MROH9: variants seen among roughly 807,000 people sequenced by gnomAD.
MROH9 encodes the protein maestro heat-like repeat-containing protein family member 9.
In MROH9, 92 loss-of-function variants were observed where a neutral mutation model predicts 98.2. That is an observed-to-expected ratio of 0.94 (90% CI 0.79 to 1.11). The LOEUF (loss-of-function observed/expected upper bound fraction) is 1.11, where lower values mean the gene tolerates loss of function less well. Among genes scored for constraint, MROH9 ranks in the 50% most tolerant of loss-of-function variants. The pLI, the probability that MROH9 is intolerant of heterozygous loss-of-function variation, is 0.00. For missense variants in MROH9, 1,057 were observed against 1,014.8 expected (o/e 1.04, Z -0.57); for synonymous variants, 397 against 368.9 (o/e 1.08, Z -0.87).
chr1:170,962,185 C>A (rs17621423), intron 6 of MROH9, among the ~76,000 whole-genome samples: 1 of 152,000 alleles, frequency 6.6e-6, no homozygotes, highest in South Asian at 2.1e-4. Flanking sequence ...GGAAGGACAG[C>A]ATCAACAGGT....
At chr1:171,053,536 A>G (rs1028559726) in intron 20 of MROH9, among the ~76,000 whole-genome samples, 1 of 152,236 alleles carries the variant, frequency 6.6e-6, no homozygotes. Flanking sequence ...CAAATTTTCT[A>G]CACACAATTT....
At chr1:171,015,975 ATAATT>A (rs1232698878) in intron 16 of MROH9, among the ~76,000 whole-genome samples, 183 bp from the exon 17 acceptor site, 1 of 152,190 alleles carries the variant, frequency 6.6e-6, no homozygotes, top group Non-Finnish European at 1.5e-5. Context: ...TTAAATTTAT[ATAATT>A]TAATTTTCAA....
rs1184705927 is a variant in MROH9, at chr1:170,945,504, G to A, written c.-37-16G>A. ...AAGTTTCTGGTTTATGTACTAATACGTGATATTTTTTGCAGCATTACTAGT... is the reference window on the plus strand; with the variant it reads ...AAGTTTCTGGTTTATGTACTAATACATGATATTTTTTGCAGCATTACTAGT... On this transcript the variant is annotated splice_polypyrimidine_tract_variant and intron_variant, in intron 1 of 21. Coordinates refer to ENST00000367759, the MANE Select transcript of MROH9 (RefSeq NM_001163629.2). The A allele has an allele frequency of 1.3e-5, 21 of 1,592,470 alleles. No homozygotes were observed. Among genetic ancestry groups the A allele is most frequent in the Admixed American group, 5.0e-5 (3 of 59,712 alleles).
chr1:170,952,623 A>G, intron 3 of MROH9, among the ~76,000 whole-genome samples: 1 of 122,742 alleles, frequency 8.1e-6, no homozygotes, highest in African/African-American at 3.1e-5. Flanking sequence ...GGGGGGAGGG[A>G]TAGTATTAGG....
At chr1:171,060,116 T>C (rs1353911251) in intron 20 of MROH9, among the ~76,000 whole-genome samples, 2 of 151,850 alleles carry the variant, frequency 1.3e-5, no homozygotes, top group Admixed American at 6.6e-5. Flanking sequence ...GACTTAACCA[T>C]GTAACCAAAT....
At chr1:170,948,437 T>A (rs1480673311) in intron 3 of MROH9, among the ~76,000 whole-genome samples, 1 of 152,056 alleles carries the variant, frequency 6.6e-6, no homozygotes, top group Non-Finnish European at 1.5e-5. Flanking sequence ...AAAACCATAT[T>A]CTATTAAACA....
Position 171,052,034 on chromosome 1 carries a change from C to CT in MROH9, c.2282-10087dup, listed in dbSNP as rs56288448. Among the ~76,000 whole-genome samples, 163 of 146,384 alleles carry CT rather than the reference C, an allele frequency of 1.1e-3. 1 individual carries two copies. Among genetic ancestry groups the CT allele is most frequent in the East Asian group, 3.4e-3 (17 of 4,972 alleles). On this transcript the variant is annotated intron_variant, in intron 20 of 21. Transcript: ENST00000367759. ...ACTGTGGATCAGTCTGGTCTTGGAC[C>CT]TTTTTTTTTTTATTAATTACTGATT...
At chr1:170,970,984 C>T (rs1650436004) in intron 7 of MROH9, among the ~76,000 whole-genome samples, 1 of 152,164 alleles carries the variant, frequency 6.6e-6, no homozygotes, top group Admixed American at 6.5e-5. Flanking sequence ...GCCAAATCTA[C>T]ATTTAATCAG....
chr1:170,971,635 T>C lies in MROH9; in HGVS notation c.481-113T>C, dbSNP rs1464356201. Reference sequence around the variant, plus strand: ...GGATTTGATTACAGATATTGTAAACTCTGAAGCTTATCTTAGAATCCTAGT... The same window carrying C: ...GGATTTGATTACAGATATTGTAAACCCTGAAGCTTATCTTAGAATCCTAGT... On this transcript the variant is annotated intron_variant, in intron 7 of 21. Coordinates refer to ENST00000367759, the MANE Select transcript of MROH9 (RefSeq NM_001163629.2). The C allele has an allele frequency of 3.3e-4, 404 of 1,237,608 alleles. 2 individuals carry two copies. Among genetic ancestry groups the C allele is most frequent in the Non-Finnish European group, 3.1e-5 (27 of 875,630 alleles). 76.7% of individuals were successfully genotyped at this position (1,237,608 alleles called of 1,614,324 possible).
At position 170,998,503 on chromosome 1, in the gene MROH9, G is replaced by C. The variant is rs78238374; in HGVS notation, c.1596+229G>C. ...AGCAGTTGGTTTTTCTCTGTTTCTA[G>C]GGGTGTGAATTTGTACAAAAACTAA... On this transcript the variant is annotated intron_variant, in intron 15 of 21. Transcript: ENST00000367759. The C allele has an allele frequency of 1.4e-4, 207 of 1,474,958 alleles. No individual in the cohort carries two copies. In the East Asian group the frequency reaches 4.7e-3, roughly 33 times the overall value. 91.4% of individuals were successfully genotyped at this position (1,474,958 alleles called of 1,614,324 possible). A position where few individuals can be genotyped will look rare whatever the true frequency, so the allele number is the denominator to read the frequency against.
intron 20 of MROH9, among the ~76,000 whole-genome samples, chr1:171,053,030 C>A (rs907447396): frequency 1.4e-4 from 21 of 152,138 alleles, no homozygotes; most frequent in Non-Finnish European, 2.5e-4. Context: ...TAGCAATGAC[C>A]TATACAGAGC....
At chr1:170,940,932 G>T (rs765471853) in intron 1 of MROH9, among the ~76,000 whole-genome samples, 24 of 152,124 alleles carry the variant, frequency 1.6e-4, no homozygotes, top group Admixed American at 7.2e-4. Flanking sequence ...CCAGTATGCG[G>T]ATTCCACTAG....
At chr1:170,982,820 A>G (rs1346368216) in intron 8 of MROH9, among the ~76,000 whole-genome samples, 1 of 152,220 alleles carries the variant, frequency 6.6e-6, no homozygotes, top group Non-Finnish European at 1.5e-5. Flanking sequence ...AGTTGAGCCC[A>G]GGAAGTCAAG....
rs368755630 is a variant in MROH9 at position 170,998,243 on chromosome 1, A to C, written c.1565A>C (p.Asp522Ala). 1 of 1,613,378 alleles carries C rather than the reference A, an allele frequency of 6.2e-7. No homozygotes were observed. Among genetic ancestry groups the C allele is most frequent in the African/African-American group, 1.3e-5 (1 of 74,882 alleles). The part of the protein sequence containing the change: ...LSVEGPRRSE[D>A]TVIVLIFLTE... ...GTAGAAGGTCCTAGAAGGTCAGAAG[A>C]CACTGTCATCGTATTAATATTCCTC... The change falls in exon 15 of 22, where the codon GAC (aspartate) becomes GCC (alanine). Residue 522 changes from aspartate (D) to alanine (A), a missense_variant. Asp to Ala is a moderately radical substitution (Grantham distance 126). Coordinates refer to ENST00000367759, the MANE Select transcript of MROH9 (RefSeq NM_001163629.2).
At position 170,958,107 on chromosome 1, in the gene MROH9, C is replaced by A. The variant is rs192424473; in HGVS notation, c.73-354C>A. 6.6e-4 allele frequency among the ~76,000 whole-genome samples: 100 copies of A among 152,316 alleles called. 2 individuals carry two copies. Among genetic ancestry groups the A allele is most frequent in the Admixed American group, 6.5e-3 (100 of 15,298 alleles). ...TACAGGCGTGAGCCACCACGCCCGG[C>A]GCTGCTGGCATTTTTATAGGTAGAC... On this transcript the variant is annotated intron_variant, in intron 3 of 21. Coordinates refer to ENST00000367759, the MANE Select transcript of MROH9 (RefSeq NM_001163629.2).
At chr1:171,063,345 T>C (rs773049309) in intron 21 of MROH9, among the ~76,000 whole-genome samples, 1 of 148,240 alleles carries the variant, frequency 6.7e-6, no homozygotes, top group Non-Finnish European at 1.5e-5. Flanking sequence ...CTCTGCCTCC[T>C]GGGTTCCAGT....
At chr1:170,956,268 C>A (rs1649753081) in intron 3 of MROH9, among the ~76,000 whole-genome samples, 1 of 152,044 alleles carries the variant, frequency 6.6e-6, no homozygotes, top group Non-Finnish European at 1.5e-5. Flanking sequence ...CAGATTTGTT[C>A]TTTTTGCTTA....
chr1:171,020,449 C>T (rs1652479717), intron 17 of MROH9, among the ~76,000 whole-genome samples: 1 of 152,192 alleles, frequency 6.6e-6, no homozygotes, highest in African/African-American at 2.4e-5. Context: ...GGACGCAAGC[C>T]TGGTTCAACA....
In MROH9 at chr1:170,995,406, C is replaced by T. The variant is rs758741865; in HGVS notation, c.1212C>T (p.Cys404=). 1 of 1,613,368 alleles carries T rather than the reference C, an allele frequency of 6.2e-7. No homozygotes were observed. Residue 404 remains cysteine (C), a synonymous_variant, in exon 13 of 22, where the codon TGC becomes TGT. Coordinates refer to ENST00000367759, the MANE Select transcript of MROH9 (RefSeq NM_001163629.2). Reference sequence around the variant, plus strand: ...CCTTATAGGCATGCCAGGCCCTGTGCACCTTTCTGCCTCTTGGTTCCTACA... The same window carrying T: ...CCTTATAGGCATGCCAGGCCCTGTGTACCTTTCTGCCTCTTGGTTCCTACA... ...LMPLAACQAL[C]TFLPLGSYRK...
Sources: gnomAD v4.1 joint callset for allele counts (sites outside exome capture counted in the v4.1 genomes callset) on GRCh38, gnomAD v4.1.1 for gene constraint, MANE v1.5 for transcripts, NCBI Gene and HGNC (gene_info 2026-07-23, HGNC 2026-07-21) for gene names.